CSMD1: variants seen among roughly 807,000 people sequenced by gnomAD.
The protein encoded by CSMD1 is CUB and Sushi multiple domains 1.
CSMD1 carries 213 observed loss-of-function variants against 417.5 expected under a neutral mutation model. The ratio of observed to expected loss-of-function variants is 0.51; its 90% CI spans 0.46 to 0.57. The LOEUF (loss-of-function observed/expected upper bound fraction) is 0.57, where lower values mean the gene tolerates loss of function less well. Ranked by LOEUF, CSMD1 falls within the 20% of genes least tolerant of loss-of-function variation. The probability of loss-of-function intolerance (pLI) is 0.00; values close to 1 mark genes in which losing one functional copy is unlikely to be tolerated. For synonymous variants in CSMD1, 2,862 were observed against 1,736.8 expected (o/e 1.65, Z -16.11); for missense variants, 6,923 against 4,529.7 (o/e 1.53, Z -15.17).
At chr8:4,055,634 T>C (rs949726905) in intron 3 of CSMD1, among the ~76,000 whole-genome samples, 1 of 152,002 alleles carries the variant, frequency 6.6e-6, no homozygotes, top group Non-Finnish European at 1.5e-5. Flanking sequence ...TAATGGAAAA[T>C]ATTAAAACAG....
At chr8:3,639,237 T>C (rs73493688) in intron 7 of CSMD1, among the ~76,000 whole-genome samples, 7,781 of 152,280 alleles carry the variant, frequency 0.051, 429 homozygotes, top group African/African-American at 0.14. Context: ...GACTAGTCCA[T>C]TGACAATGAA....
chr8:4,041,698 G>A (rs538937615), intron 3 of CSMD1, among the ~76,000 whole-genome samples: 3 of 152,200 alleles, frequency 2.0e-5, no homozygotes, highest in African/African-American at 4.8e-5. Context: ...TTCAATCAGT[G>A]AACACCAACA....
At chr8:3,440,780 T>C (rs1814925477) in intron 12 of CSMD1, among the ~76,000 whole-genome samples, 1 of 152,094 alleles carries the variant, frequency 6.6e-6, no homozygotes, top group Non-Finnish European at 1.5e-5. Flanking sequence ...TGTTTTTTTG[T>C]TTTGTTTTGT....
intron 10 of CSMD1, among the ~76,000 whole-genome samples, chr8:3,531,684 CAA>C (rs1797986791): frequency 6.6e-6 from 1 of 152,140 alleles, no homozygotes; most frequent in Non-Finnish European, 1.5e-5. Flanking sequence ...ATAATGAGGG[CAA>C]AGAGTCCTCA....
chr8:4,778,584 C>T lies in CSMD1; in HGVS notation c.86-141026G>A, dbSNP rs116239738. Reference sequence around the variant, plus strand: ...GCTAGGAAGATCAACCTGGAAATTCCGTGAGAGGGAGGTCATGTGCAGGTC... The same window carrying T: ...GCTAGGAAGATCAACCTGGAAATTCTGTGAGAGGGAGGTCATGTGCAGGTC... On this transcript the variant is annotated intron_variant, in intron 1 of 69. Coordinates refer to ENST00000635120, the MANE Select transcript of CSMD1 (RefSeq NM_033225.6). 4.5e-3 allele frequency among the ~76,000 whole-genome samples: 687 copies of T among 152,252 alleles called. 1 individual carries two copies. The highest frequency in any genetic ancestry group is 0.015 in the African/African-American group (633 of 41,560).
chr8:4,126,360 C>G (rs1802764767), intron 3 of CSMD1, among the ~76,000 whole-genome samples: 1 of 152,208 alleles, frequency 6.6e-6, no homozygotes, highest in Non-Finnish European at 1.5e-5. Flanking sequence ...GGTTACGAGA[C>G]CTGTCTCAGC....
At chr8:3,168,014 C>T (rs2129042586) in intron 37 of CSMD1, among the ~76,000 whole-genome samples, 1 of 150,560 alleles carries the variant, frequency 6.6e-6, no homozygotes, top group South Asian at 2.1e-4. Flanking sequence ...CTCAACTGTG[C>T]ATGACTGGCA....
At chr8:4,713,892 T>C (rs1224641559) in intron 1 of CSMD1, among the ~76,000 whole-genome samples, 4 of 152,086 alleles carry the variant, frequency 2.6e-5, no homozygotes, top group African/African-American at 4.8e-5. Context: ...GAGATAAAAT[T>C]TGGGCTTGTG....
intron 26 of CSMD1, among the ~76,000 whole-genome samples, chr8:3,246,479 G>T (rs117733019): frequency 0.089 from 13,447 of 151,806 alleles, 772 homozygotes; most frequent in Non-Finnish European, 0.12. Context: ...TTTTAAATTT[G>T]TATTTTTTTT....
intron 3 of CSMD1, among the ~76,000 whole-genome samples, chr8:4,162,767 C>T (rs1216898148): frequency 4.6e-5 from 7 of 152,246 alleles, no homozygotes; most frequent in South Asian, 2.1e-4. Flanking sequence ...TCCAAACCCC[C>T]AGTTTACAAT....
At chr8:4,288,883 T>C (rs549652303) in intron 3 of CSMD1, among the ~76,000 whole-genome samples, 1 of 152,182 alleles carries the variant, frequency 6.6e-6, no homozygotes, top group Non-Finnish European at 1.5e-5. Flanking sequence ...AGAGTAAATA[T>C]TAGTTACTTA....
At chr8:3,281,610 T>G (rs1178111693) in intron 26 of CSMD1, among the ~76,000 whole-genome samples, 1 of 152,032 alleles carries the variant, frequency 6.6e-6, no homozygotes, top group Non-Finnish European at 1.5e-5. Flanking sequence ...ATTCTAACTC[T>G]GTGACTTTCA....
At chr8:4,167,062 G>T (rs551272038) in intron 3 of CSMD1, among the ~76,000 whole-genome samples, 2 of 152,050 alleles carry the variant, frequency 1.3e-5, no homozygotes, top group South Asian at 2.1e-4. Flanking sequence ...AAACGGGGAG[G>T]AGAAAAAAAC....
chr8:4,943,377 T>C (rs1313880042), intron 1 of CSMD1, among the ~76,000 whole-genome samples: 1 of 151,910 alleles, frequency 6.6e-6, no homozygotes, highest in African/African-American at 2.4e-5. Flanking sequence ...ACGCCTGTAG[T>C]CCCAGTTACT....
At chr8:3,423,101 G>T (rs1481846416) in intron 12 of CSMD1, among the ~76,000 whole-genome samples, 2 of 151,952 alleles carry the variant, frequency 1.3e-5, no homozygotes, top group Non-Finnish European at 2.9e-5. Context: ...ATTATTTTGG[G>T]GTCACTTATT....
intron 1 of CSMD1, among the ~76,000 whole-genome samples, chr8:4,753,346 T>A (rs943713525): frequency 6.6e-6 from 1 of 151,968 alleles, no homozygotes; most frequent in Non-Finnish European, 1.5e-5. Flanking sequence ...CTGTCTGCTT[T>A]CATTTTGTCG....
chr8:4,885,812 C>G (rs1179531514), intron 1 of CSMD1, among the ~76,000 whole-genome samples: 2 of 151,762 alleles, frequency 1.3e-5, no homozygotes, highest in Non-Finnish European at 2.9e-5. Context: ...CTGAGGAAAT[C>G]CAATTTATAT....
At chr8:4,354,215 G>A (rs1403832046) in intron 3 of CSMD1, among the ~76,000 whole-genome samples, 1 of 152,098 alleles carries the variant, frequency 6.6e-6, no homozygotes, top group Non-Finnish European at 1.5e-5. Flanking sequence ...TTACCACCCT[G>A]AGCCTTCCGA....
At chr8:3,855,214 C>A (rs553320430) in intron 5 of CSMD1, among the ~76,000 whole-genome samples, 1 of 152,108 alleles carries the variant, frequency 6.6e-6, no homozygotes, top group Non-Finnish European at 1.5e-5. Context: ...ATGGACAAGG[C>A]TGCGACAGCT....
Sources: allele counts gnomAD v4.1 joint callset (sites outside exome capture counted in the v4.1 genomes callset), GRCh38; gene constraint gnomAD v4.1.1; transcripts MANE v1.5; gene names NCBI Gene and HGNC (gene_info 2026-07-23, HGNC 2026-07-21).